The following DHRSX variants were observed in gnomAD, a reference collection of about 807,000 sequenced individuals.
DHRSX encodes polyprenol dehydrogenase.
A neutral mutation model predicts 34.0 loss-of-function variants in DHRSX; 31 were observed. The observed-to-expected ratio is 0.91, with a 90% confidence interval of 0.69 to 1.23. DHRSX has a LOEUF of 1.23. Among genes scored for constraint, DHRSX ranks in the 50% most tolerant of loss-of-function variants. DHRSX has a pLI of 0.00. For synonymous variants in DHRSX, 201 were observed against 183.8 expected, an observed-to-expected ratio of 1.09 and a Z score of -0.76; for missense variants, 414 against 428.1, an observed-to-expected ratio of 0.97 and a Z score of 0.29.
chrX:2,314,111 G>A (rs1214235067), intron 3 of DHRSX, among the ~76,000 whole-genome samples: 1 of 149,002 alleles, frequency 6.7e-6, no homozygotes, highest in Non-Finnish European at 1.5e-5. Context: ...GACCTAAAAG[G>A]GGGCCTGGCT....
At chrX:2,485,278 C>T (rs185819173) in intron 1 of DHRSX, among the ~76,000 whole-genome samples, 135 of 152,134 alleles carry the variant, frequency 8.9e-4, no homozygotes, top group African/African-American at 2.8e-3. Flanking sequence ...ATGAACATCA[C>T]GATGCAAATG....
intron 1 of DHRSX, among the ~76,000 whole-genome samples, chrX:2,475,418 A>G (rs1178352937): frequency 6.7e-6 from 1 of 150,066 alleles, no homozygotes; most frequent in Non-Finnish European, 1.5e-5. Context: ...CACCATGTAC[A>G]CACTGAAGAC....
intron 3 of DHRSX, among the ~76,000 whole-genome samples, chrX:2,291,896 ATTTTT>A (rs928376249): frequency 5.9e-4 from 57 of 96,108 alleles, no homozygotes; most frequent in African/African-American, 1.2e-3. Context: ...GTATTTTTGT[ATTTTT>A]TTTTTTTTTT....
At chrX:2,264,010 G>T (rs2041402051) in intron 5 of DHRSX, among the ~76,000 whole-genome samples, 1 of 152,238 alleles carries the variant, frequency 6.6e-6, no homozygotes. Flanking sequence ...GGGGGCACAA[G>T]AGAAGGTTTA....
At chrX:2,464,074 C>A (rs2044443031) in intron 1 of DHRSX, among the ~76,000 whole-genome samples, 1 of 151,530 alleles carries the variant, frequency 6.6e-6, no homozygotes, top group Admixed American at 6.6e-5. Flanking sequence ...AAGGGACCAC[C>A]GCCATGTACA....
At chrX:2,426,546 TTTCC>T (rs377651494) in intron 1 of DHRSX, among the ~76,000 whole-genome samples, 28 of 140,708 alleles carry the variant, frequency 2.0e-4, no homozygotes, top group Admixed American at 3.5e-4. Flanking sequence ...TCCTTCCTTC[TTTCC>T]TTCCTTCCTT....
intron 1 of DHRSX, among the ~76,000 whole-genome samples, chrX:2,471,872 G>A (rs1416246051): frequency 6.6e-6 from 1 of 152,118 alleles, no homozygotes; most frequent in Non-Finnish European, 1.5e-5. Flanking sequence ...TTGGTTGGGT[G>A]TGGTGGCTCA....
At position 2,263,563 on chromosome X, in the gene DHRSX, G is replaced by T. The variant is rs144287386; in HGVS notation, c.596+3177C>A. 4.2e-3 allele frequency among the ~76,000 whole-genome samples: 631 copies of T among 150,138 alleles called. 9 individuals carry two copies. Among genetic ancestry groups the T allele is most frequent in the African/African-American group, 0.014 (586 of 40,714 alleles). ...AATTTTGCTGTTGTTACTCCGGCTG[G>T]AGTGCAGTGGCGTGATCTTGGCTCA... On this transcript the variant is annotated intron_variant, in intron 5 of 6. Transcript: ENST00000334651.
intron 3 of DHRSX, among the ~76,000 whole-genome samples, chrX:2,297,050 G>A (rs2041943256): frequency 6.6e-6 from 1 of 152,226 alleles, no homozygotes; most frequent in Non-Finnish European, 1.5e-5. Flanking sequence ...TAGGACCCAG[G>A]CAGGCACTGC....
intron 1 of DHRSX, among the ~76,000 whole-genome samples, chrX:2,482,426 G>T (rs2044788647): frequency 6.6e-6 from 1 of 151,876 alleles, no homozygotes; most frequent in African/African-American, 2.4e-5. Flanking sequence ...ACCACACCCA[G>T]CCTATTTTTA....
intron 3 of DHRSX, among the ~76,000 whole-genome samples, chrX:2,358,863 G>A (rs1478521752): frequency 2.0e-5 from 3 of 151,676 alleles, no homozygotes; most frequent in Non-Finnish European, 4.4e-5. Context: ...GCAGGAGAAT[G>A]GCGTGAACCC....
At chrX:2,455,632 G>A (rs768127749) in intron 1 of DHRSX, among the ~76,000 whole-genome samples, 3 of 151,232 alleles carry the variant, frequency 2.0e-5, no homozygotes, top group South Asian at 2.1e-4. Flanking sequence ...TCCCAGCTAC[G>A]TGACAGGCTG....
intron 1 of DHRSX, among the ~76,000 whole-genome samples, chrX:2,451,349 T>C (rs4892823): frequency 0.61 from 92,479 of 151,822 alleles, 29,980 homozygotes; most frequent in African/African-American, 0.84. Context: ...AAAGGTTTCT[T>C]TCCTGTCATC....
intron 3 of DHRSX, among the ~76,000 whole-genome samples, chrX:2,329,726 T>C (rs2042433454): frequency 1.3e-5 from 2 of 152,084 alleles, no homozygotes; most frequent in South Asian, 2.1e-4. Context: ...TCGAAGGACA[T>C]TAGTATGACC....
chrX:2,490,694 G>A (rs1180998871), intron 1 of DHRSX: 1 of 1,613,702 alleles, frequency 6.2e-7, no homozygotes, highest in African/African-American at 1.3e-5. Context: ...GTCTGTCTGG[G>A]AGCTCTCCAG....
rs780999447 is a variant in DHRSX, at chrX:2,473,514, T to G, written c.109+27303A>C. Among the ~76,000 whole-genome samples the G allele has an allele frequency of 2.0e-5, 3 of 151,026 alleles. No individual in the cohort carries two copies. The East Asian group carries it at 5.8e-4, about 29-fold the overall frequency. ...GGCACATGCCTGTATTCCCAGCTAC[T>G]CAGGAGACTGAGGCAGGAGAATTGC... On this transcript the variant is annotated intron_variant, in intron 1 of 6. Coordinates refer to ENST00000334651, the MANE Select transcript of DHRSX (RefSeq NM_145177.3).
chrX:2,476,065 G>A (rs1454523496), intron 1 of DHRSX, among the ~76,000 whole-genome samples: 1 of 152,170 alleles, frequency 6.6e-6, no homozygotes, highest in Non-Finnish European at 1.5e-5. Context: ...ACAGCACAGA[G>A]CCACGGTGAG....
intron 3 of DHRSX, among the ~76,000 whole-genome samples, chrX:2,352,800 G>A (rs747672579): frequency 6.6e-6 from 1 of 152,314 alleles, no homozygotes; most frequent in South Asian, 2.1e-4. Flanking sequence ...CACAGTAGAT[G>A]AAGGGCTATA....
chrX:2,441,314 G>A (rs1440088219), intron 1 of DHRSX, among the ~76,000 whole-genome samples: 7 of 152,168 alleles, frequency 4.6e-5, no homozygotes, highest in South Asian at 4.1e-4. Context: ...CCAAGGCAAC[G>A]CGGTGGAATG....
Sources: gnomAD v4.1 joint callset for allele counts (sites outside exome capture counted in the v4.1 genomes callset) on GRCh38, gnomAD v4.1.1 for gene constraint, MANE v1.5 for transcripts, NCBI Gene and HGNC (gene_info 2026-07-23, HGNC 2026-07-21) for gene names.